NAV2: variants seen among roughly 807,000 people sequenced by gnomAD.
NAV2 encodes the protein helicase, APC down-regulated 1.
In NAV2, 54 loss-of-function variants were observed where a neutral mutation model predicts 223.2. The ratio of observed to expected loss-of-function variants is 0.24; its 90% confidence interval spans 0.19 to 0.30. The LOEUF is 0.30. Among genes scored for constraint, NAV2 ranks in the 10% least tolerant of loss-of-function variants. The pLI, the probability that NAV2 is intolerant of heterozygous loss-of-function variation, is 1.00. For missense variants in NAV2, 2,806 were observed against 3,147.5 expected (o/e 0.89, Z 2.60); for synonymous variants, 1,279 against 1,239.3 (o/e 1.03, Z -0.67).
At chr11:19,840,053 G>A (rs1389430482) in intron 2 of NAV2, among the ~76,000 whole-genome samples, 1 of 152,166 alleles carries the variant, frequency 6.6e-6, no homozygotes, top group African/African-American at 2.4e-5. Flanking sequence ...AATTATTTAT[G>A]ACAACCATAG....
chr11:19,682,899 T>A (rs1435419824), intron 1 of NAV2, among the ~76,000 whole-genome samples: 1 of 152,126 alleles, frequency 6.6e-6, no homozygotes, highest in Non-Finnish European at 1.5e-5. Context: ...CCAAAACATA[T>A]CATATTCATT....
At chr11:19,563,881 A>T (rs2045180545) in intron 1 of NAV2, among the ~76,000 whole-genome samples, 1 of 152,270 alleles carries the variant, frequency 6.6e-6, no homozygotes. Flanking sequence ...GAGGTAAAGC[A>T]GGAAAAATGC....
intron 3 of NAV2, among the ~76,000 whole-genome samples, chr11:19,851,896 T>C (rs754692652): frequency 9.2e-6 from 1 of 108,654 alleles, no homozygotes; most frequent in Non-Finnish European, 2.2e-5. Context: ...AGCATTCTTA[T>C]AAGACAGAGG....
At chr11:19,597,757 A>G (rs1464188996) in intron 1 of NAV2, among the ~76,000 whole-genome samples, 1 of 152,246 alleles carries the variant, frequency 6.6e-6, no homozygotes, top group Non-Finnish European at 1.5e-5. Flanking sequence ...ACAAGTGGGC[A>G]TTTTTAGCTG....
chr11:19,514,911 A>T (rs559865596), intron 1 of NAV2, among the ~76,000 whole-genome samples: 8 of 152,266 alleles, frequency 5.3e-5, no homozygotes, highest in Admixed American at 5.2e-4. Context: ...TTTAATTCTA[A>T]TCATCCACCC....
At chr11:19,437,430 T>C (rs1851253660) in intron 1 of NAV2, among the ~76,000 whole-genome samples, 1 of 152,076 alleles carries the variant, frequency 6.6e-6, no homozygotes, top group South Asian at 2.1e-4. Flanking sequence ...TACAATCTGT[T>C]TCCAACCCCA....
At chr11:19,764,172 G>A (rs927842806) in intron 1 of NAV2, among the ~76,000 whole-genome samples, 1 of 152,190 alleles carries the variant, frequency 6.6e-6, no homozygotes, top group Non-Finnish European at 1.5e-5. Context: ...AAGCATTCCT[G>A]GAGGGAATCA....
At chr11:19,406,072 G>A (rs920154435) in intron 1 of NAV2, among the ~76,000 whole-genome samples, 10 of 152,140 alleles carry the variant, frequency 6.6e-5, no homozygotes, top group Admixed American at 5.2e-4. Context: ...GAGCTATGAG[G>A]TGCCTGGTAG....
At chr11:20,074,993 A>G (rs913544325) in intron 22 of NAV2, among the ~76,000 whole-genome samples, 3 of 152,176 alleles carry the variant, frequency 2.0e-5, no homozygotes, top group Middle Eastern at 3.4e-3. Flanking sequence ...CAGAACTGAA[A>G]TCAATGGAAA....
At chr11:19,617,629 G>A (rs1179136713) in intron 1 of NAV2, among the ~76,000 whole-genome samples, 2 of 152,176 alleles carry the variant, frequency 1.3e-5, no homozygotes, top group African/African-American at 4.8e-5. Context: ...AGAAGTGCAT[G>A]GTAAAGTGTG....
intron 1 of NAV2, among the ~76,000 whole-genome samples, chr11:19,647,713 G>A (rs2047857171): frequency 1.3e-5 from 2 of 152,132 alleles, no homozygotes; most frequent in South Asian, 4.1e-4. Flanking sequence ...TGGATGTGGA[G>A]TAGAGGGAGA....
rs2057226489 is a variant in NAV2, at chr11:20,044,271, T to A, written c.3198T>A (p.Thr1066=). The part of the protein sequence containing the change: ...APAGALKTPG[T]GKTDDAKVSE... ...CAGGCGCACTGAAGACCCCAGGAAC[T>A]GGTAAGAGGCCGGGGCTGTCTTGGC... is the stretch of plus-strand genomic sequence containing the variant. Residue 1066 remains threonine (T), a splice_region_variant and synonymous_variant, in exon 13 of 38, where the codon ACT becomes ACA. Coordinates refer to ENST00000349880, the MANE Select transcript of NAV2 (RefSeq NM_145117.5). The A allele has an allele frequency of 6.2e-7, 1 of 1,605,002 alleles. No homozygotes were observed. The highest frequency in any genetic ancestry group is 2.2e-5 in the East Asian group (1 of 44,588).
rs568930231 is a variant in NAV2, at chr11:20,054,382, C to A, written c.4642+142C>A. 33 of 761,316 alleles carry A rather than the reference C, an allele frequency of 4.3e-5. No homozygotes were observed. In the East Asian group the frequency reaches 6.3e-4, roughly 14 times the overall value. 47.2% of individuals were successfully genotyped at this position (761,316 alleles called of 1,614,324 possible). On this transcript the variant is annotated intron_variant, in intron 18 of 37. Coordinates refer to ENST00000349880, the MANE Select transcript of NAV2 (RefSeq NM_145117.5). ...TGGGTAAGTTCTTTAGTGGTGATTT[C>A]TGAGATTTTGGTGCACCCATCACTT...
At chr11:20,034,714 A>G (rs759450017) in intron 11 of NAV2, among the ~76,000 whole-genome samples, 14 of 152,210 alleles carry the variant, frequency 9.2e-5, no homozygotes, top group East Asian at 1.9e-4. Context: ...AGCACTTGCT[A>G]CATATCTGCT....
chr11:19,427,884 A>C (rs1850895087), intron 1 of NAV2, among the ~76,000 whole-genome samples: 1 of 151,972 alleles, frequency 6.6e-6, no homozygotes, highest in Non-Finnish European at 1.5e-5. Flanking sequence ...TTGATTTCTT[A>C]AACTTTTTAT....
At chr11:19,874,971 A>G (rs1937627817) in intron 4 of NAV2, among the ~76,000 whole-genome samples, 1 of 152,212 alleles carries the variant, frequency 6.6e-6, no homozygotes, top group African/African-American at 2.4e-5. Flanking sequence ...AGCCTGGCCA[A>G]TGTGGTGAAA....
At chr11:19,562,344 G>A (rs1439481416) in intron 1 of NAV2, among the ~76,000 whole-genome samples, 1 of 152,184 alleles carries the variant, frequency 6.6e-6, no homozygotes, top group Non-Finnish European at 1.5e-5. Flanking sequence ...AGGGTGGAAA[G>A]TCTTGTTGAC....
At chr11:19,500,881 A>G (rs2042943083) in intron 1 of NAV2, among the ~76,000 whole-genome samples, 1 of 152,242 alleles carries the variant, frequency 6.6e-6, no homozygotes, top group Admixed American at 6.5e-5. Context: ...GTAATAAATT[A>G]CTACAAACAT....
chr11:19,829,692 A>C (rs962989322), intron 1 of NAV2, among the ~76,000 whole-genome samples: 1 of 152,218 alleles, frequency 6.6e-6, no homozygotes, highest in Non-Finnish European at 1.5e-5. Context: ...CAACTCTGTC[A>C]GTTCCAGAGC....
Sources: allele counts gnomAD v4.1 joint callset (sites outside exome capture counted in the v4.1 genomes callset), GRCh38; gene constraint gnomAD v4.1.1; transcripts MANE v1.5; gene names NCBI Gene and HGNC (gene_info 2026-07-23, HGNC 2026-07-21).